Variants in RABGAP1L observed in about 807,000 individuals in gnomAD.
RABGAP1L encodes the protein rab GTPase-activating protein 1-like.
A neutral mutation model predicts 137.7 loss-of-function variants in RABGAP1L; 63 were observed. That is an observed-to-expected ratio of 0.46 (90% confidence interval 0.37 to 0.56). The LOEUF (loss-of-function observed/expected upper bound fraction) is 0.56, where lower values mean the gene tolerates loss of function less well. Among genes scored for constraint, RABGAP1L ranks in the 20% least tolerant of loss-of-function variants. RABGAP1L has a pLI of 0.00. For missense variants in RABGAP1L, 1,095 were observed against 1,244.0 expected, an observed-to-expected ratio of 0.88 and a Z score of 1.80; for synonymous variants, 431 against 433.7, an observed-to-expected ratio of 0.99 and a Z score of 0.08.
chr1:174,678,043 T>G (rs1677768733), intron 14 of RABGAP1L, among the ~76,000 whole-genome samples: 1 of 152,126 alleles, frequency 6.6e-6, no homozygotes, highest in Non-Finnish European at 1.5e-5. Context: ...AATATAAGTT[T>G]AAACTTTTAT....
At chr1:174,252,711 TTAA>T (rs1395138575) in intron 7 of RABGAP1L, 121 bp downstream of exon 7, 4 of 1,384,056 alleles carry the variant, frequency 2.9e-6, no homozygotes, top group Non-Finnish European at 3.8e-6. Context: ...ATGAGGATAA[TTAA>T]TAATACTTTC....
At chr1:174,770,149 C>G (rs1027829773) in intron 18 of RABGAP1L, among the ~76,000 whole-genome samples, 1 of 152,072 alleles carries the variant, frequency 6.6e-6, no homozygotes, top group African/African-American at 2.4e-5. Context: ...TGCCTATTGT[C>G]CTGTTGGTGG....
intron 11 of RABGAP1L, among the ~76,000 whole-genome samples, chr1:174,313,191 T>TGTAATCCCAAA (rs1438183214): frequency 6.6e-6 from 1 of 152,110 alleles, no homozygotes; most frequent in Non-Finnish European, 1.5e-5. Context: ...CCCAAAGTGC[T>TGTAATCCCAAA]GGGATTACAG....
chr1:174,223,937 G>A (rs1026593900), intron 3 of RABGAP1L, among the ~76,000 whole-genome samples: 3 of 152,122 alleles, frequency 2.0e-5, no homozygotes, highest in African/African-American at 7.2e-5. Context: ...GACAGAATTC[G>A]CTTCACATAC....
chr1:174,548,952 C>T (rs866676925), intron 13 of RABGAP1L, among the ~76,000 whole-genome samples: 2 of 152,080 alleles, frequency 1.3e-5, no homozygotes, highest in Non-Finnish European at 2.9e-5. Flanking sequence ...TACTATTGTG[C>T]TTATCCCATG....
intron 11 of RABGAP1L, among the ~76,000 whole-genome samples, chr1:174,339,807 A>C (rs779502339): frequency 6.6e-6 from 1 of 151,954 alleles, no homozygotes; most frequent in Non-Finnish European, 1.5e-5. Context: ...GGGTTTTGCT[A>C]TGTTGGCTAT....
At chr1:174,821,850 TC>T (rs1376785684) in intron 19 of RABGAP1L, among the ~76,000 whole-genome samples, 2 of 152,270 alleles carry the variant, frequency 1.3e-5, no homozygotes, top group Admixed American at 6.5e-5. Context: ...CATCTTGTGT[TC>T]CTTTTCTATA....
chr1:174,849,819 A>G (rs1178887371), intron 19 of RABGAP1L: 6 of 551,200 alleles, frequency 1.1e-5, no homozygotes, highest in East Asian at 1.0e-4. Context: ...CAATGCTTCT[A>G]CAATGGAAAT....
Position 174,220,184 on chromosome 1 carries a change from G to A in RABGAP1L, c.139-788G>A, listed in dbSNP as rs188938828. Among the ~76,000 whole-genome samples the A allele has an allele frequency of 1.2e-3, 179 of 152,236 alleles. 1 individual carries two copies. The highest frequency in any genetic ancestry group is 4.2e-3 in the African/African-American group (174 of 41,534). On this transcript the variant is annotated intron_variant, in intron 2 of 25. Coordinates refer to ENST00000681986, the MANE Select transcript of RABGAP1L (RefSeq NM_001366446.1). ...AGTCAACTTAAGTGTAAGGAAATTAGCAATATTCATCTTGGGAGCTAGCCA... is the reference window on the plus strand; with the variant it reads ...AGTCAACTTAAGTGTAAGGAAATTAACAATATTCATCTTGGGAGCTAGCCA...
At chr1:174,306,250 C>T (rs1170426379) in intron 11 of RABGAP1L, among the ~76,000 whole-genome samples, 1 of 152,176 alleles carries the variant, frequency 6.6e-6, no homozygotes, top group Non-Finnish European at 1.5e-5. Flanking sequence ...TTTATAGCAG[C>T]ATGATTTATA....
intron 13 of RABGAP1L, among the ~76,000 whole-genome samples, chr1:174,637,133 TCTCCCCATATAAACATAC>T (rs964805057): frequency 5.5e-4 from 83 of 152,182 alleles, no homozygotes; most frequent in African/African-American, 1.9e-3. Flanking sequence ...CCCTGCCCCT[TCTCCCCATATAAACATAC>T]ATACACACAC....
At chr1:174,780,243 G>T (rs1686870109) in intron 18 of RABGAP1L, among the ~76,000 whole-genome samples, 1 of 151,950 alleles carries the variant, frequency 6.6e-6, no homozygotes, top group Non-Finnish European at 1.5e-5. Flanking sequence ...TGAAAATTGA[G>T]TTCAAATACA....
At chr1:174,712,235 A>G (rs1334492601) in intron 17 of RABGAP1L, among the ~76,000 whole-genome samples, 1 of 152,186 alleles carries the variant, frequency 6.6e-6, no homozygotes. Context: ...CTGCCCGAGC[A>G]GTCACCTTCC....
intron 17 of RABGAP1L, among the ~76,000 whole-genome samples, chr1:174,739,834 A>G (rs1210439081): frequency 6.6e-6 from 1 of 152,204 alleles, no homozygotes; most frequent in East Asian, 1.9e-4. Context: ...GAAACTATAT[A>G]CTCAAAAGTG....
At chr1:174,481,888 A>T (rs927142668) in intron 13 of RABGAP1L, among the ~76,000 whole-genome samples, 20 of 148,562 alleles carry the variant, frequency 1.3e-4, no homozygotes, top group African/African-American at 4.0e-4. Context: ...AAATAAAAAA[A>T]AAAAGAAAAA....
chr1:174,222,313 G>C (rs1026992716), intron 3 of RABGAP1L, among the ~76,000 whole-genome samples: 3 of 152,146 alleles, frequency 2.0e-5, no homozygotes, highest in African/African-American at 7.2e-5. Flanking sequence ...TAGGAAACTC[G>C]TGATTCATTT....
intron 19 of RABGAP1L, among the ~76,000 whole-genome samples, chr1:174,832,118 C>A (rs1389293875): frequency 1.4e-5 from 2 of 146,780 alleles, no homozygotes; most frequent in African/African-American, 5.0e-5. Context: ...CATAGTGAAA[C>A]CCTGTCTCTA....
rs538108349 is a variant in RABGAP1L, at chr1:174,673,560, A to G, written c.1825-9962A>G. On this transcript the variant is annotated intron_variant, in intron 14 of 25. Coordinates refer to ENST00000681986, the MANE Select transcript of RABGAP1L (RefSeq NM_001366446.1). ...TATTAATTTCTGCTAATGAAAGCAAAAAGAAAATGCTAAATTACATATTTC... is the reference window on the plus strand; with the variant it reads ...TATTAATTTCTGCTAATGAAAGCAAGAAGAAAATGCTAAATTACATATTTC... Among the ~76,000 whole-genome samples the G allele has an allele frequency of 7.2e-5, 11 of 152,308 alleles. No homozygotes were observed. The East Asian group carries it at 1.9e-3, about 27-fold the overall frequency.
Position 174,397,432 on chromosome 1 carries a change from C to T in RABGAP1L, c.1710+3287C>T, listed in dbSNP as rs1648004485. Among the ~76,000 whole-genome samples, 2 of 152,076 alleles carry T rather than the reference C, an allele frequency of 1.3e-5. 1 individual carries two copies. Among genetic ancestry groups the T allele is most frequent in the Admixed American group, 1.3e-4 (2 of 15,272 alleles). ...CTGGGGTTACTGTTTCCTGTGGTTT[C>T]CTATCCTGAGTGGCCACAGCAGCCT... is the stretch of plus-strand genomic sequence containing the variant. On this transcript the variant is annotated intron_variant, in intron 13 of 25. Transcript: ENST00000681986.
Sources: gnomAD v4.1 joint callset for allele counts (sites outside exome capture counted in the v4.1 genomes callset) on GRCh38, gnomAD v4.1.1 for gene constraint, MANE v1.5 for transcripts, NCBI Gene and HGNC (gene_info 2026-07-23, HGNC 2026-07-21) for gene names.